The following GRK7 variants were observed in gnomAD, a reference collection of about 807,000 sequenced individuals.
GRK7 encodes the protein rhodopsin kinase GRK7.
GRK7 carries 24 observed loss-of-function variants against 34.1 expected under a neutral mutation model. That is an observed-to-expected ratio of 0.70 (90% confidence interval 0.51 to 0.99). The LOEUF (loss-of-function observed/expected upper bound fraction) is 0.99, where lower values mean the gene tolerates loss of function less well. Ranked by LOEUF, GRK7 falls within the 50% of genes least tolerant of loss-of-function variation. The pLI, the probability that GRK7 is intolerant of heterozygous loss-of-function variation, is 0.00. For missense variants in GRK7, 644 were observed against 707.3 expected, an observed-to-expected ratio of 0.91 and a Z score of 1.02; for synonymous variants, 256 against 279.4, an observed-to-expected ratio of 0.92 and a Z score of 0.84.
chr3:141,779,062 G>T (rs1454083069), intron 3 of GRK7, among the ~76,000 whole-genome samples, 166 bp downstream of exon 3: 1 of 152,098 alleles, frequency 6.6e-6, no homozygotes, highest in Non-Finnish European at 1.5e-5. Flanking sequence ...GTGTGCCATG[G>T]TGTGAAATAA....
At chr3:141,804,874 CACAT>C (rs1434159171) in intron 4 of GRK7, among the ~76,000 whole-genome samples, 3 of 151,798 alleles carry the variant, frequency 2.0e-5, no homozygotes, top group African/African-American at 7.3e-5. Flanking sequence ...TACACATGCT[CACAT>C]ACACTCACAT....
chr3:141,808,727 AAAG>A (rs1365206180), intron 5 of GRK7, among the ~76,000 whole-genome samples: 1 of 151,712 alleles, frequency 6.6e-6, no homozygotes, highest in Non-Finnish European at 1.5e-5. Flanking sequence ...AAAAAGAAAG[AAAG>A]TAAGTAGAAC....
At position 141,799,485 on chromosome 3, in the gene GRK7, G is replaced by A. The variant is rs151295813; in HGVS notation, c.1051-8160G>A. On this transcript the variant is annotated intron_variant, in intron 4 of 5. Transcript: ENST00000682958. ...AAATTAGCCGGGCGTGGTGGTGAGCGCCTGTAATCCCAGCTACTCAGGAGG... is the reference window on the plus strand; with the variant it reads ...AAATTAGCCGGGCGTGGTGGTGAGCACCTGTAATCCCAGCTACTCAGGAGG... Among the ~76,000 whole-genome samples, 204 of 152,074 alleles carry A rather than the reference G, an allele frequency of 1.3e-3. 2 individuals carry two copies. The East Asian group carries it at 0.034, about 25-fold the overall frequency.
chr3:141,806,847 C>T (rs1441472038), intron 4 of GRK7, among the ~76,000 whole-genome samples: 5 of 151,862 alleles, frequency 3.3e-5, no homozygotes, highest in Non-Finnish European at 7.4e-5. Context: ...ACTGAACTTA[C>T]ACTGCAAAAT....
rs1711169484 is a variant in GRK7 at position 141,817,857 on chromosome 3, G to A, written c.*807G>A. 6.6e-6 allele frequency: 1 copy of A among 152,152 alleles called. No individual in the cohort carries two copies. 9.4% of individuals were successfully genotyped at this position (152,152 alleles called of 1,614,324 possible). A position where few individuals can be genotyped will look rare whatever the true frequency, so the allele number is the denominator to read the frequency against. ...TAGACATTCTGATCCCCACTCCCAG[G>A]TATGAGAACAGCTTGACCATTTAGA... On this transcript the variant is annotated 3_prime_UTR_variant, in exon 6 of 6. Transcript: ENST00000682958.
chr3:141,772,325 C>T (rs576461140), intron 1 of GRK7, among the ~76,000 whole-genome samples: 126 of 152,238 alleles, frequency 8.3e-4, no homozygotes, highest in African/African-American at 2.9e-3. Context: ...AAACTCCTGA[C>T]CTCATGATCC....
chr3:141,757,120 GATC>G, the GRK7 span, among the ~76,000 whole-genome samples: 1 of 134,828 alleles, frequency 7.4e-6, no homozygotes, highest in African/African-American at 2.7e-5. Context: ...AATACGCTTA[GATC>G]TTCTTCTTTT....
intron 4 of GRK7, 124 bp downstream of exon 4, chr3:141,780,935 G>C (rs1369191246): frequency 1.2e-6 from 1 of 813,916 alleles, no homozygotes; most frequent in Non-Finnish European, 1.9e-6. Context: ...TTCCTAAAGC[G>C]CTTACGTTGT....
chr3:141,784,590 G>T (rs1162538686), intron 4 of GRK7, among the ~76,000 whole-genome samples: 1 of 152,112 alleles, frequency 6.6e-6, no homozygotes, highest in Non-Finnish European at 1.5e-5. Context: ...ATATAATTGG[G>T]CTCACAAGTA....
At chr3:141,809,910 C>T (rs982940402) in intron 5 of GRK7, among the ~76,000 whole-genome samples, 5 of 152,058 alleles carry the variant, frequency 3.3e-5, no homozygotes, top group South Asian at 4.1e-4. Flanking sequence ...TATAAAAAGG[C>T]GGGGGTTGTG....
At chr3:141,798,518 C>T (rs1269174529) in intron 4 of GRK7, among the ~76,000 whole-genome samples, 1 of 152,212 alleles carries the variant, frequency 6.6e-6, no homozygotes, top group African/African-American at 2.4e-5. Flanking sequence ...ATCCCTACAG[C>T]CCTGGGCATG....
chr3:141,757,142 TTTTTC>T, the GRK7 span, among the ~76,000 whole-genome samples: 12 of 126,662 alleles, frequency 9.5e-5, no homozygotes, highest in African/African-American at 4.9e-4. Context: ...TTTTTTTTTT[TTTTTC>T]TTTTTTTTTT....
chr3:141,786,772 T>C (rs1577917273), intron 4 of GRK7, among the ~76,000 whole-genome samples: 3 of 146,834 alleles, frequency 2.0e-5, no homozygotes, highest in Admixed American at 2.0e-4. Context: ...AGTAAGACTC[T>C]CGGAAAAAAA....
intron 4 of GRK7, among the ~76,000 whole-genome samples, chr3:141,807,205 A>G (rs533491581): frequency 1.3e-5 from 2 of 152,324 alleles, no homozygotes; most frequent in African/African-American, 4.8e-5. Context: ...TAATATTAGT[A>G]ATAAAGTGCT....
At chr3:141,770,251 C>T (rs1013824951) in intron 1 of GRK7, among the ~76,000 whole-genome samples, 1 of 152,156 alleles carries the variant, frequency 6.6e-6, no homozygotes, top group African/African-American at 2.4e-5. Context: ...ATTCATTTTC[C>T]AGCTTTCAGG....
Position 141,817,285 on chromosome 3 carries a change from G to T in GRK7, c.*235G>T. Reference sequence around the variant, plus strand: ...TGAGGGCAGGGAAAAGGAACACTCAGGTTTATTTTGATAAACTGAAAGCAT... The same window carrying T: ...TGAGGGCAGGGAAAAGGAACACTCATGTTTATTTTGATAAACTGAAAGCAT... On this transcript the variant is annotated 3_prime_UTR_variant, in exon 6 of 6. Transcript: ENST00000682958. 4.8e-6 allele frequency: 2 copies of T among 417,928 alleles called. No homozygotes were observed. Among genetic ancestry groups the T allele is most frequent in the Non-Finnish European group, 4.2e-6 (1 of 236,058 alleles). 25.9% of individuals were successfully genotyped at this position (417,928 alleles called of 1,614,324 possible).
intron 5 of GRK7, among the ~76,000 whole-genome samples, chr3:141,813,121 CGTTT>C (rs544475048): frequency 5.3e-4 from 81 of 151,950 alleles, no homozygotes; most frequent in Non-Finnish European, 8.4e-4. Context: ...TCTGTTTGTT[CGTTT>C]GTTTGTTTGT....
chr3:141,783,307 C>A (rs567428915), intron 4 of GRK7, among the ~76,000 whole-genome samples: 1 of 152,124 alleles, frequency 6.6e-6, no homozygotes, highest in Non-Finnish European at 1.5e-5. Context: ...TATAATTAAG[C>A]GATTATAATT....
intron 5 of GRK7, among the ~76,000 whole-genome samples, chr3:141,813,213 C>A (rs949314646): frequency 2.6e-5 from 4 of 152,162 alleles, no homozygotes; most frequent in Non-Finnish European, 5.9e-5. Flanking sequence ...GCAACCTTTG[C>A]CTCCCAGGTT....
Sources: gnomAD v4.1 joint callset for allele counts (sites outside exome capture counted in the v4.1 genomes callset) on GRCh38, gnomAD v4.1.1 for gene constraint, MANE v1.5 for transcripts, NCBI Gene and HGNC (gene_info 2026-07-23, HGNC 2026-07-21) for gene names.